COL19A1: variants seen among roughly 807,000 people sequenced by gnomAD.
COL19A1 encodes the protein collagen alpha-1(XIX) chain.
Under a neutral mutation model 190.2 loss-of-function variants are expected in COL19A1, and 159 were observed. The observed-to-expected ratio is 0.84, with a 90% CI of 0.73 to 0.95. The LOEUF (loss-of-function observed/expected upper bound fraction) is 0.95, where lower values mean the gene tolerates loss of function less well. COL19A1 is among the 40% of genes least tolerant of loss of function. The pLI is 0.00. For missense variants in COL19A1, 1,418 were observed against 1,431.9 expected, an observed-to-expected ratio of 0.99 and a Z score of 0.16; for synonymous variants, 509 against 458.9, an observed-to-expected ratio of 1.11 and a Z score of -1.39.
At chr6:69,905,210 C>T (rs1037894272) in intron 4 of COL19A1, among the ~76,000 whole-genome samples, 1 of 152,198 alleles carries the variant, frequency 6.6e-6, no homozygotes, top group Non-Finnish European at 1.5e-5. Flanking sequence ...CAGGTTCCAG[C>T]TCATGCTGAG....
At chr6:70,035,794 C>T in intron 13 of COL19A1, 110 bp from the exon 14 acceptor site, 1 of 813,214 alleles carries the variant, frequency 1.2e-6, no homozygotes, top group Non-Finnish European at 2.0e-6. Flanking sequence ...TTCTATTTTT[C>T]TATTCTTCAA....
At chr6:69,970,290 A>G (rs904954730) in intron 11 of COL19A1, among the ~76,000 whole-genome samples, 3 of 152,324 alleles carry the variant, frequency 2.0e-5, no homozygotes, top group Non-Finnish European at 4.4e-5. Flanking sequence ...AGGTTTATAT[A>G]GTGGGACTTG....
chr6:69,982,243 G>A (rs998207888), intron 11 of COL19A1, among the ~76,000 whole-genome samples: 5 of 138,316 alleles, frequency 3.6e-5, no homozygotes, highest in African/African-American at 1.3e-4. Flanking sequence ...CCAGGCTGGA[G>A]TGCAGTGGCA....
chr6:69,879,594 T>G lies in COL19A1; in HGVS notation c.27T>G (p.Leu9=). 6.2e-7 allele frequency: 1 copy of G among 1,614,162 alleles called. No homozygotes were observed. Among genetic ancestry groups the G allele is most frequent in the Non-Finnish European group, 8.5e-7 (1 of 1,180,006 alleles). The change falls in exon 2 of 51, where the codon CTT becomes CTG. Residue 9 remains leucine, a synonymous_variant. Transcript: ENST00000620364. ...TGAGACTCACTGGCCCTTGGAAACT[T>G]TGGCTTTGGATGTCAATATTTCTGC... MRLTGPWK[L]WLWMSIFLLP...
intron 15 of COL19A1, among the ~76,000 whole-genome samples, chr6:70,076,433 C>G (rs1781886802): frequency 6.6e-6 from 1 of 152,136 alleles, no homozygotes; most frequent in African/African-American, 2.4e-5. Flanking sequence ...CTAATTAAAG[C>G]CACACACTAG....
intron 16 of COL19A1, among the ~76,000 whole-genome samples, chr6:70,118,995 A>G (rs1185745253): frequency 6.6e-6 from 1 of 152,106 alleles, no homozygotes; most frequent in Non-Finnish European, 1.5e-5. Flanking sequence ...AAAGGATCAT[A>G]TCCCATTTCA....
chr6:70,186,501 A>G (rs1357806486), intron 46 of COL19A1, among the ~76,000 whole-genome samples: 1 of 152,202 alleles, frequency 6.6e-6, no homozygotes, highest in African/African-American at 2.4e-5. Flanking sequence ...TGATCACACA[A>G]ATCTCTGTAA....
chr6:70,210,243 C>G lies in COL19A1; in HGVS notation c.*2969C>G, dbSNP rs1370083430. ...TTTTATACCAAGTTCAAAACACTTT[C>G]AGATAGAAGTCTTTCTATGCAAAGA... On this transcript the variant is annotated 3_prime_UTR_variant, in exon 51 of 51. Coordinates refer to ENST00000620364, the MANE Select transcript of COL19A1 (RefSeq NM_001858.6). 6.6e-6 allele frequency among the ~76,000 whole-genome samples: 1 copy of G among 152,106 alleles called. No individual in the cohort carries two copies. Among genetic ancestry groups the G allele is most frequent in the Non-Finnish European group, 1.5e-5 (1 of 67,998 alleles).
intron 1 of COL19A1, among the ~76,000 whole-genome samples, chr6:69,874,640 A>G (rs916054043): frequency 2.0e-5 from 3 of 152,152 alleles, no homozygotes; most frequent in African/African-American, 7.2e-5. Flanking sequence ...AGTCCCAGCT[A>G]CTTGGGAGGC....
intron 15 of COL19A1, among the ~76,000 whole-genome samples, chr6:70,088,751 G>A (rs1169945390): frequency 6.6e-6 from 1 of 152,110 alleles, no homozygotes; most frequent in African/African-American, 2.4e-5. Flanking sequence ...GGCAAGATCT[G>A]TGTATAATTT....
Position 70,130,110 on chromosome 6 carries a change from A to G in COL19A1, c.1342-72A>G, listed in dbSNP as rs1785431844. 2.0e-6 allele frequency: 3 copies of G among 1,525,486 alleles called. No homozygotes were observed. In the Admixed American group the frequency reaches 5.4e-5, roughly 27 times the overall value. The allele number at this position is 1,525,486 out of a possible 1,614,324, so 94.5% of individuals were successfully genotyped here. A position where few individuals can be genotyped will look rare whatever the true frequency, so the allele number is the denominator to read the frequency against. ...ACAGAACTATTATCTGACTGCTTAT[A>G]CTGTTACAGATTGAATGTGTTAAAA... On this transcript the variant is annotated intron_variant, in intron 17 of 50. Transcript: ENST00000620364.
intron 11 of COL19A1, among the ~76,000 whole-genome samples, chr6:69,968,160 C>T (rs1467244774): frequency 1.3e-5 from 2 of 152,044 alleles, no homozygotes; most frequent in Non-Finnish European, 2.9e-5. Context: ...CACCTTTTGC[C>T]TTCAGTGGTT....
At chr6:70,203,315 C>G (rs910171194) in intron 49 of COL19A1, among the ~76,000 whole-genome samples, 2 of 152,144 alleles carry the variant, frequency 1.3e-5, no homozygotes, top group Non-Finnish European at 2.9e-5. Context: ...TGCATCAGTT[C>G]CAAAAGGACA....
At chr6:70,077,934 A>G (rs1365189596) in intron 15 of COL19A1, among the ~76,000 whole-genome samples, 2 of 152,230 alleles carry the variant, frequency 1.3e-5, no homozygotes, top group Non-Finnish European at 1.5e-5. Context: ...TTGTTCTGCC[A>G]TATTGAAGGC....
chr6:69,973,696 TCTAA>T (rs1775556483), intron 11 of COL19A1: 1 of 152,218 alleles, frequency 6.6e-6, no homozygotes, highest in Non-Finnish European at 1.5e-5. Context: ...ATCCATAATT[TCTAA>T]CTGTTTTTAG....
At chr6:69,977,582 TA>T (rs1038100965) in intron 11 of COL19A1, among the ~76,000 whole-genome samples, 145 of 143,482 alleles carry the variant, frequency 1.0e-3, no homozygotes, top group Middle Eastern at 3.6e-3. Context: ...ATAATAAACT[TA>T]AAAAAAAAAA....
At chr6:70,150,257 A>C (rs1006490182) in intron 30 of COL19A1, among the ~76,000 whole-genome samples, 10 of 152,162 alleles carry the variant, frequency 6.6e-5, no homozygotes, top group African/African-American at 2.4e-4. Context: ...TAAGGGCATA[A>C]TTCAACTGTA....
chr6:70,006,783 A>G (rs1777657375), intron 11 of COL19A1, among the ~76,000 whole-genome samples: 1 of 152,104 alleles, frequency 6.6e-6, no homozygotes, highest in East Asian at 1.9e-4. Context: ...ATATGAATAT[A>G]TTATATATGA....
intron 14 of COL19A1, among the ~76,000 whole-genome samples, chr6:70,064,836 A>C (rs1199796088): frequency 6.6e-6 from 1 of 152,236 alleles, no homozygotes; most frequent in Non-Finnish European, 1.5e-5. Context: ...GAGCCAAATC[A>C]TGAGTGAACT....
Sources: gnomAD v4.1 joint callset for allele counts (sites outside exome capture counted in the v4.1 genomes callset) on GRCh38, gnomAD v4.1.1 for gene constraint, MANE v1.5 for transcripts, NCBI Gene and HGNC (gene_info 2026-07-23, HGNC 2026-07-21) for gene names.